The following SLC44A5 variants were observed in gnomAD, a reference collection of about 807,000 sequenced individuals.
SLC44A5 encodes the protein solute carrier family 44 member 5.
Under a neutral mutation model 101.8 loss-of-function variants are expected in SLC44A5, and 57 were observed. The ratio of observed to expected loss-of-function variants is 0.56; its 90% CI spans 0.45 to 0.70. The LOEUF is 0.70. Ranked by LOEUF, SLC44A5 falls within the 30% of genes least tolerant of loss-of-function variation. SLC44A5 has a pLI of 0.00. For missense variants in SLC44A5, 737 were observed against 853.1 expected, an observed-to-expected ratio of 0.86 and a Z score of 1.70; for synonymous variants, 281 against 290.9, an observed-to-expected ratio of 0.97 and a Z score of 0.35.
chr1:75,340,355 G>T (rs1472348899), intron 3 of SLC44A5, among the ~76,000 whole-genome samples: 1 of 152,038 alleles, frequency 6.6e-6, no homozygotes, highest in East Asian at 1.9e-4. Flanking sequence ...CTGGCCAAGG[G>T]TGTGCATTTT....
rs1647011027 is a variant in SLC44A5 at position 75,218,577 on chromosome 1, C to T, written c.1442G>A (p.Gly481Asp). The change falls in exon 17 of 24, where the codon GGT (glycine) becomes GAT (aspartate). Residue 481 changes from glycine to aspartate, a missense_variant. Around this residue, in one of 3 missense-constraint regions of SLC44A5, gnomAD observed 665 missense variants for 764.4 expected, o/e 0.87. Coordinates refer to ENST00000370859, the MANE Select transcript of SLC44A5 (RefSeq NM_001130058.2). Reference sequence around the variant, plus strand: ...GGCCCAGTAATAAGTAGCGAATGCACCAGCAAGGGCGCACTGACCTAATGC... The same window carrying T: ...GGCCCAGTAATAAGTAGCGAATGCATCAGCAAGGGCGCACTGACCTAATGC... ...VIALGQCALA[G>D]AFATYYWAMK... 2 of 1,613,626 alleles carry T rather than the reference C, an allele frequency of 1.2e-6. No individual in the cohort carries two copies. Among genetic ancestry groups the T allele is most frequent in the East Asian group, 2.2e-5 (1 of 44,854 alleles).
At chr1:75,620,057 C>T in the SLC44A5 span, among the ~76,000 whole-genome samples, 2 of 152,110 alleles carry the variant, frequency 1.3e-5, no homozygotes, top group Non-Finnish European at 2.9e-5. Flanking sequence ...TGTTCAACTC[C>T]CACTTATGAT....
the SLC44A5 span, among the ~76,000 whole-genome samples, chr1:75,647,826 G>A: frequency 2.0e-5 from 3 of 152,218 alleles, no homozygotes; most frequent in Non-Finnish European, 4.4e-5. Flanking sequence ...TTGTACCTTG[G>A]AAGTAACTAA....
chr1:75,689,927 C>T, the SLC44A5 span, among the ~76,000 whole-genome samples: 1 of 152,094 alleles, frequency 6.6e-6, no homozygotes, highest in Non-Finnish European at 1.5e-5. Flanking sequence ...TCAACCAATC[C>T]CTGCCTCAGA....
At chr1:75,667,368 A>C in the SLC44A5 span, among the ~76,000 whole-genome samples, 1 of 152,162 alleles carries the variant, frequency 6.6e-6, no homozygotes, top group Non-Finnish European at 1.5e-5. Context: ...TCCAACATAC[A>C]AGAGATGTGA....
At chr1:75,274,529 T>C (rs1570539544) in intron 6 of SLC44A5, among the ~76,000 whole-genome samples, 1 of 152,114 alleles carries the variant, frequency 6.6e-6, no homozygotes. Context: ...ACCTTCTGGG[T>C]GTGCCCCTTA....
chr1:75,541,600 A>C, intron 1 of SLC44A5, 84 bp from the exon 2 acceptor site: 3 of 770,636 alleles, frequency 3.9e-6, no homozygotes, highest in South Asian at 2.4e-5. Context: ...GAATGCTCTC[A>C]TAACTTACTA....
chr1:75,529,372 T>A (rs1670597344), intron 2 of SLC44A5, among the ~76,000 whole-genome samples: 1 of 152,198 alleles, frequency 6.6e-6, no homozygotes, highest in South Asian at 2.1e-4. Context: ...TGATAAAAGA[T>A]GCCCATCATG....
chr1:75,373,885 A>G (rs1182649980), intron 3 of SLC44A5, among the ~76,000 whole-genome samples: 3 of 152,040 alleles, frequency 2.0e-5, no homozygotes. Context: ...CACACTACCC[A>G]GGGGCATCAA....
intron 5 of SLC44A5, among the ~76,000 whole-genome samples, chr1:75,298,725 A>C (rs1352609002): frequency 6.6e-6 from 1 of 152,192 alleles, no homozygotes; most frequent in African/African-American, 2.4e-5. Flanking sequence ...GTCAAACTTT[A>C]ATAGACCAAA....
chr1:75,502,634 A>G lies in SLC44A5; in HGVS notation c.13+38801T>C, dbSNP rs1004863248. 3.3e-5 allele frequency among the ~76,000 whole-genome samples: 5 copies of G among 152,158 alleles called. No individual in the cohort carries two copies. The South Asian group carries it at 8.3e-4, about 25-fold the overall frequency. ...TTTGTTACATATGTATACATGTGCC[A>G]TGTTGGTGTGCTGCACCCATTAACT... On this transcript the variant is annotated intron_variant, in intron 2 of 23. Coordinates refer to ENST00000370859, the MANE Select transcript of SLC44A5 (RefSeq NM_001130058.2).
intron 4 of SLC44A5, among the ~76,000 whole-genome samples, chr1:75,326,095 CGTGT>C (rs58294702): frequency 0.34 from 47,176 of 140,122 alleles, 8,426 homozygotes; most frequent in East Asian, 0.79. Flanking sequence ...TCTCTCTCTC[CGTGT>C]GTGTGTGTGT....
the SLC44A5 span, among the ~76,000 whole-genome samples, chr1:75,647,043 T>C: frequency 6.6e-6 from 1 of 152,192 alleles, no homozygotes; most frequent in Non-Finnish European, 1.5e-5. Flanking sequence ...CTATAGGGCA[T>C]GTCAGAGGTC....
the SLC44A5 span, among the ~76,000 whole-genome samples, chr1:75,644,883 G>A: frequency 6.0e-5 from 9 of 151,088 alleles, no homozygotes; most frequent in Admixed American, 1.3e-4. Context: ...GAGAACATGC[G>A]GTGTTTGGTT....
chr1:75,646,680 G>C, the SLC44A5 span, among the ~76,000 whole-genome samples: 1 of 152,106 alleles, frequency 6.6e-6, no homozygotes, highest in African/African-American at 2.4e-5. Flanking sequence ...GGTTTTATAA[G>C]GGGCTTTTTC....
intron 2 of SLC44A5, among the ~76,000 whole-genome samples, chr1:75,435,803 T>C (rs1248300616): frequency 4.6e-5 from 7 of 152,082 alleles, no homozygotes; most frequent in African/African-American, 1.2e-4. Context: ...TTCAAAGACA[T>C]CTTTAAAACC....
At chr1:75,672,969 T>C in the SLC44A5 span, among the ~76,000 whole-genome samples, 2 of 152,168 alleles carry the variant, frequency 1.3e-5, no homozygotes, top group African/African-American at 4.8e-5. Flanking sequence ...GTACTCACCA[T>C]GGGCCTTGGG....
intron 4 of SLC44A5, among the ~76,000 whole-genome samples, chr1:75,318,437 T>G (rs1202156855): frequency 2.0e-5 from 3 of 151,184 alleles, no homozygotes; most frequent in African/African-American, 7.3e-5. Flanking sequence ...GAAAGAAATC[T>G]GCTGTATAGA....
chr1:75,301,562 G>T (rs1186937246), intron 4 of SLC44A5, among the ~76,000 whole-genome samples: 1 of 152,186 alleles, frequency 6.6e-6, no homozygotes, highest in African/African-American at 2.4e-5. Context: ...AAAAGTTATT[G>T]ATCTTGAGGG....
Sources: gnomAD v4.1 joint callset for allele counts (sites outside exome capture counted in the v4.1 genomes callset) on GRCh38, gnomAD v4.1.1 for gene constraint, gnomAD v4.1.1 regional missense constraint, MANE v1.5 for transcripts, NCBI Gene and HGNC (gene_info 2026-07-23, HGNC 2026-07-21) for gene names.